SMIM35: variants seen among roughly 807,000 people sequenced by gnomAD.
The protein encoded by SMIM35 is TMPRSS4 antisense RNA 1 (non-protein coding).
chr11:118,010,810 C>T (rs550327994), intron 4 of SMIM35, among the ~76,000 whole-genome samples: 98 of 152,264 alleles, frequency 6.4e-4, no homozygotes, highest in African/African-American at 2.1e-3. Flanking sequence ...CCCCAGCCCC[C>T]GTGACTGCCT....
chr11:118,057,186 A>G lies in SMIM35; in HGVS notation c.7+29565T>C, dbSNP rs1304284360. Among the ~76,000 whole-genome samples the G allele has an allele frequency of 2.0e-5, 3 of 152,218 alleles. No individual in the cohort carries two copies. In the East Asian group the frequency reaches 5.8e-4, roughly 29 times the overall value. On this transcript the variant is annotated intron_variant, in intron 1 of 4. Coordinates refer to ENST00000689828, the MANE Select transcript of SMIM35 (RefSeq NM_001394165.1). ...GGAACTGCCAACTGGTGCTCTCTTA[A>G]GAAGGAGGAATAGAGTTCAGAAGGC...
intron 1 of SMIM35, among the ~76,000 whole-genome samples, chr11:118,048,878 G>A (rs1944155806): frequency 1.5e-5 from 2 of 134,360 alleles, no homozygotes; most frequent in African/African-American, 5.6e-5. Context: ...GATGGGGAAG[G>A]GGAAAACCTG....
chr11:118,069,925 G>T (rs1033008453), intron 1 of SMIM35, among the ~76,000 whole-genome samples: 1 of 152,076 alleles, frequency 6.6e-6, no homozygotes, highest in African/African-American at 2.4e-5. Flanking sequence ...GCCAGGGGTG[G>T]TGGCAGGCAC....
intron 1 of SMIM35, among the ~76,000 whole-genome samples, chr11:118,039,188 G>C (rs1327588631): frequency 6.6e-6 from 1 of 152,176 alleles, no homozygotes; most frequent in Non-Finnish European, 1.5e-5. Flanking sequence ...AAGACCAACT[G>C]GGAGGCAAGA....
chr11:118,079,280 C>T (rs1944944539), intron 1 of SMIM35, among the ~76,000 whole-genome samples: 1 of 152,178 alleles, frequency 6.6e-6, no homozygotes, highest in African/African-American at 2.4e-5. Flanking sequence ...GATCTCCACA[C>T]CCAGGCTCAG....
intron 1 of SMIM35, among the ~76,000 whole-genome samples, chr11:118,062,558 C>T (rs1049510156): frequency 1.3e-5 from 2 of 152,174 alleles, no homozygotes; most frequent in Admixed American, 6.5e-5. Context: ...TGGGCTCTGG[C>T]TTCTTCCATT....
At chr11:118,017,196 G>A (rs2058189801) in intron 1 of SMIM35, among the ~76,000 whole-genome samples, 1 of 152,218 alleles carries the variant, frequency 6.6e-6, no homozygotes, top group African/African-American at 2.4e-5. Context: ...AAAAAGGCCA[G>A]GTTACAAAGA....
Position 118,050,603 on chromosome 11 carries a change from G to A in SMIM35, c.8-34794C>T, listed in dbSNP as rs542524702. On this transcript the variant is annotated intron_variant, in intron 1 of 4. Transcript: ENST00000689828. ...GCGGTCACCCATCCTGAGCACCCCC[G>A]CAGTCCTCCTGCCTCAAAGCCTCCA... Among the ~76,000 whole-genome samples the A allele has an allele frequency of 9.8e-5, 15 of 152,290 alleles. No homozygotes were observed. In the East Asian group the frequency reaches 2.5e-3, roughly 25 times the overall value.
chr11:118,043,802 CAA>C (rs34311391), intron 1 of SMIM35, among the ~76,000 whole-genome samples: 4 of 105,392 alleles, frequency 3.8e-5, no homozygotes, highest in Non-Finnish European at 5.7e-5. Context: ...AACTCCATCT[CAA>C]AAAAAAAAAA....
chr11:118,042,012 C>CT (rs1944009586), intron 1 of SMIM35, among the ~76,000 whole-genome samples: 1 of 148,150 alleles, frequency 6.7e-6, no homozygotes, highest in Non-Finnish European at 1.5e-5. Context: ...GATTGCACCA[C>CT]TGCTCTCCAG....
At chr11:118,035,062 G>A (rs1351921736) in intron 1 of SMIM35, among the ~76,000 whole-genome samples, 2 of 151,636 alleles carry the variant, frequency 1.3e-5, no homozygotes, top group Admixed American at 1.3e-4. Flanking sequence ...AGCGATTCTG[G>A]TGCCTCCGCC....
At chr11:118,006,442 C>T (rs1378301728) in intron 4 of SMIM35, 66 bp from the exon 5 acceptor site, 2 of 152,134 alleles carry the variant, frequency 1.3e-5, no homozygotes, top group Non-Finnish European at 2.9e-5. Context: ...ACATTGCTAC[C>T]CCTGAGTGTG....
Position 118,004,146 on chromosome 11 carries a change from A to G in SMIM35, c.*2264T>C, listed in dbSNP as rs1435053398. On this transcript the variant is annotated 3_prime_UTR_variant, in exon 5 of 5. Coordinates refer to ENST00000689828, the MANE Select transcript of SMIM35 (RefSeq NM_001394165.1). ...TTCTTACAAGGGCACTAATCCCATCATGGAGGCCCCATCCTCATGACCTCA... is the reference window on the plus strand; with the variant it reads ...TTCTTACAAGGGCACTAATCCCATCGTGGAGGCCCCATCCTCATGACCTCA... 6.6e-6 allele frequency: 1 copy of G among 152,230 alleles called. No individual in the cohort carries two copies. The highest frequency in any genetic ancestry group is 1.9e-4 in the East Asian group (1 of 5,190). The allele number at this position is 152,230 out of a possible 1,614,324, so 9.4% of individuals were successfully genotyped here. A position where few individuals can be genotyped will look rare whatever the true frequency, so the allele number is the denominator to read the frequency against.
chr11:118,037,520 A>G (rs686047), intron 1 of SMIM35, among the ~76,000 whole-genome samples: 75,812 of 152,008 alleles, frequency 0.5, 19,434 homozygotes, highest in East Asian at 0.65. Context: ...AATTTTTTTA[A>G]ATTTCTTCTC....
At chr11:118,047,911 A>C (rs574864103) in intron 1 of SMIM35, among the ~76,000 whole-genome samples, 46 of 152,278 alleles carry the variant, frequency 3.0e-4, no homozygotes, top group African/African-American at 1.1e-3. Context: ...AAGGAGATGC[A>C]GACAGCAGCC....
intron 1 of SMIM35, among the ~76,000 whole-genome samples, chr11:118,054,169 G>T (rs56127209): frequency 0.39 from 30,356 of 78,452 alleles, 3,737 homozygotes; most frequent in Non-Finnish European, 0.45. Context: ...TTTTTGTTTT[G>T]TTTTTTTGTT....
intron 1 of SMIM35, among the ~76,000 whole-genome samples, chr11:118,047,406 G>T (rs1046877502): frequency 1.3e-5 from 2 of 152,222 alleles, no homozygotes; most frequent in South Asian, 2.1e-4. Flanking sequence ...CCTGGCCCCA[G>T]TCGGGGCTTT....
rs146769006 is a variant in SMIM35 at position 118,086,355 on chromosome 11, G to C, written c.7+396C>G. On this transcript the variant is annotated intron_variant, in intron 1 of 4. Transcript: ENST00000689828. Reference sequence around the variant, plus strand: ...ATTATGTGCTGAGATGGGGGATGAGGTGCTCGGCTCAAATTGCCAATAGGT... The same window carrying C: ...ATTATGTGCTGAGATGGGGGATGAGCTGCTCGGCTCAAATTGCCAATAGGT... Among the ~76,000 whole-genome samples, 5 of 152,378 alleles carry C rather than the reference G, an allele frequency of 3.3e-5. No homozygotes were observed. The East Asian group carries it at 9.6e-4, about 29-fold the overall frequency.
intron 1 of SMIM35, among the ~76,000 whole-genome samples, chr11:118,062,044 G>A (rs754164358): frequency 2.6e-4 from 40 of 152,202 alleles, no homozygotes; most frequent in Non-Finnish European, 4.1e-4. Context: ...AAAAATGAAA[G>A]TGGGGCCAGG....
Sources: allele counts gnomAD v4.1 joint callset (sites outside exome capture counted in the v4.1 genomes callset), GRCh38; gene constraint gnomAD v4.1.1; transcripts MANE v1.5; gene names NCBI Gene and HGNC (gene_info 2026-07-23, HGNC 2026-07-21).